Variants in GALNTL6 observed in about 807,000 individuals in gnomAD.
GALNTL6 encodes polypeptide N-acetylgalactosaminyltransferase-like 6.
In GALNTL6, 46 loss-of-function variants were observed where a neutral mutation model predicts 73.7. The observed-to-expected ratio is 0.62, with a 90% CI of 0.49 to 0.80. The LOEUF (loss-of-function observed/expected upper bound fraction) is 0.80. Among genes scored for constraint, GALNTL6 ranks in the 30% least tolerant of loss-of-function variants. GALNTL6 has a pLI of 0.00. For synonymous variants in GALNTL6, 259 were observed against 263.7 expected (o/e 0.98, Z 0.17); for missense variants, 604 against 755.0 (o/e 0.80, Z 2.34).
chr4:172,833,750 A>G (rs1742761895), intron 7 of GALNTL6, among the ~76,000 whole-genome samples: 1 of 152,228 alleles, frequency 6.6e-6, no homozygotes, highest in Admixed American at 6.5e-5. Flanking sequence ...TTACAGTGAA[A>G]GTCTCAAAAC....
intron 7 of GALNTL6, among the ~76,000 whole-genome samples, chr4:172,824,376 GAGTGTGTGTGTGTGTGTGTT>G (rs1234028239): frequency 0.024 from 2,126 of 87,314 alleles, 69 homozygotes; most frequent in African/African-American, 0.16. Context: ...GTGTGTGTGT[GAGTGTGTGTGTGTGTGTGTT>G]TGTGTGTGTG....
rs759217462 is a variant in GALNTL6 at position 173,040,860 on chromosome 4, C to T, written c.*760C>T. ...TAAAAACAAAAGCAAAAGCAAAAAT[C>T]TATGCTATCAAGTTACTCCAAAGAA... On this transcript the variant is annotated 3_prime_UTR_variant, in exon 13 of 13. Coordinates refer to ENST00000506823, the MANE Select transcript of GALNTL6 (RefSeq NM_001034845.3). 18 of 152,514 alleles carry T rather than the reference C, an allele frequency of 1.2e-4. No individual in the cohort carries two copies. The highest frequency in any genetic ancestry group is 1.3e-4 in the Non-Finnish European group (9 of 68,016). The allele number at this position is 152,514 out of a possible 1,614,324, so 9.4% of individuals were successfully genotyped here.
chr4:171,814,866 G>T, intron 2 of GALNTL6, 148 bp downstream of exon 2: 1 of 695,354 alleles, frequency 1.4e-6, no homozygotes. Context: ...AGACTTTGGG[G>T]TTTAAGCAAG....
At chr4:172,573,181 T>G (rs1736830118) in intron 5 of GALNTL6, among the ~76,000 whole-genome samples, 1 of 152,156 alleles carries the variant, frequency 6.6e-6, no homozygotes, top group Non-Finnish European at 1.5e-5. Context: ...TAAATTGAAT[T>G]TCCATGCAAA....
chr4:172,711,761 T>C (rs1419353201), intron 5 of GALNTL6, among the ~76,000 whole-genome samples: 3 of 152,186 alleles, frequency 2.0e-5, no homozygotes, highest in Non-Finnish European at 4.4e-5. Flanking sequence ...AGGCGCAGTC[T>C]GAGCTAGAGA....
chr4:172,593,353 A>G (rs750584044), intron 5 of GALNTL6, among the ~76,000 whole-genome samples: 2 of 152,218 alleles, frequency 1.3e-5, no homozygotes, highest in Non-Finnish European at 2.9e-5. Context: ...TGAGGAATAT[A>G]CACATTTGTT....
intron 2 of GALNTL6, among the ~76,000 whole-genome samples, chr4:171,820,943 T>C (rs979988575): frequency 6.6e-6 from 1 of 152,232 alleles, no homozygotes; most frequent in African/African-American, 2.4e-5. Context: ...AAAATTATAA[T>C]AATTTTGAAT....
chr4:171,846,432 C>G (rs1735370930), intron 2 of GALNTL6, among the ~76,000 whole-genome samples: 1 of 152,086 alleles, frequency 6.6e-6, no homozygotes, highest in Non-Finnish European at 1.5e-5. Flanking sequence ...AGGAGGTAGA[C>G]AGTAGGGGGC....
chr4:172,542,391 T>C (rs1191559338), intron 5 of GALNTL6, among the ~76,000 whole-genome samples: 1 of 152,180 alleles, frequency 6.6e-6, no homozygotes, highest in Non-Finnish European at 1.5e-5. Context: ...CTTGTCTGTC[T>C]GCAGCTTGAC....
intron 5 of GALNTL6, among the ~76,000 whole-genome samples, chr4:172,630,827 T>G (rs912185224): frequency 1.2e-4 from 18 of 150,246 alleles, no homozygotes; most frequent in Non-Finnish European, 2.7e-4. Context: ...AAAAACAAGA[T>G]AGCTTTGTGG....
intron 8 of GALNTL6, among the ~76,000 whole-genome samples, chr4:172,902,001 G>C (rs1378834097): frequency 6.6e-6 from 1 of 152,150 alleles, no homozygotes; most frequent in Non-Finnish European, 1.5e-5. Context: ...AGCTGCAGGG[G>C]TTGGGGGACA....
At chr4:171,990,240 T>A (rs888941101) in intron 2 of GALNTL6, among the ~76,000 whole-genome samples, 2 of 152,232 alleles carry the variant, frequency 1.3e-5, no homozygotes. Flanking sequence ...AAAAATTAGC[T>A]AAAATTTATC....
intron 5 of GALNTL6, among the ~76,000 whole-genome samples, chr4:172,534,751 A>T (rs549403689): frequency 4.6e-5 from 7 of 152,228 alleles, no homozygotes; most frequent in Admixed American, 2.0e-4. Flanking sequence ...TAGTTTTAGT[A>T]GAAACAGGGT....
At chr4:171,858,269 CATATT>C (rs1162891578) in intron 2 of GALNTL6, among the ~76,000 whole-genome samples, 2 of 152,052 alleles carry the variant, frequency 1.3e-5, no homozygotes, top group African/African-American at 4.8e-5. Flanking sequence ...ATAATAAAAA[CATATT>C]ATCATGTTAT....
intron 11 of GALNTL6, among the ~76,000 whole-genome samples, chr4:173,013,839 C>T (rs1389815665): frequency 2.0e-5 from 3 of 152,180 alleles, no homozygotes; most frequent in Non-Finnish European, 4.4e-5. Context: ...CAAGCTGTTT[C>T]ATTCACCAGT....
At chr4:172,659,375 A>G (rs1462345418) in intron 5 of GALNTL6, among the ~76,000 whole-genome samples, 1 of 152,152 alleles carries the variant, frequency 6.6e-6, no homozygotes, top group Admixed American at 6.5e-5. Context: ...TTATGTTTGG[A>G]ACATTTCAAA....
At position 172,840,771 on chromosome 4, in the gene GALNTL6, G is replaced by A. The variant is rs1401817087; in HGVS notation, c.923+27048G>A. On this transcript the variant is annotated intron_variant, in intron 7 of 12. Transcript: ENST00000506823. ...ATTCCTGTGAGAGACAAAGATATGT[G>A]CTATCGAGACTGTCCTTCAATCAGG... Among the ~76,000 whole-genome samples the A allele has an allele frequency of 4.6e-5, 7 of 152,172 alleles. 1 individual carries two copies. Among genetic ancestry groups the A allele is most frequent in the Admixed American group, 2.0e-4 (3 of 15,290 alleles).
chr4:172,833,983 G>A (rs911563435), intron 7 of GALNTL6, among the ~76,000 whole-genome samples: 3 of 152,190 alleles, frequency 2.0e-5, no homozygotes, highest in African/African-American at 4.8e-5. Flanking sequence ...TGAGCGTGGT[G>A]GCGCATGCCT....
chr4:172,539,040 C>A (rs1390071195), intron 5 of GALNTL6, among the ~76,000 whole-genome samples: 2 of 152,106 alleles, frequency 1.3e-5, no homozygotes, highest in African/African-American at 4.8e-5. Flanking sequence ...TCATCAGAGT[C>A]AGTAAAATAA....
Sources: allele counts gnomAD v4.1 joint callset (sites outside exome capture counted in the v4.1 genomes callset), GRCh38; gene constraint gnomAD v4.1.1; transcripts MANE v1.5; gene names NCBI Gene and HGNC (gene_info 2026-07-23, HGNC 2026-07-21).